The following PAK3 variants were observed in gnomAD, a reference collection of about 807,000 sequenced individuals.
PAK3 encodes the protein p21 (RAC1) activated kinase 3.
In PAK3, 4 loss-of-function variants were observed where a neutral mutation model predicts 41.0. The observed-to-expected ratio is 0.10, with a 90% CI of 0.05 to 0.22. The LOEUF is 0.22. Ranked by LOEUF, PAK3 falls within the 10% of genes least tolerant of loss-of-function variation. The pLI, the probability that PAK3 is intolerant of heterozygous loss-of-function variation, is 1.00. For synonymous variants in PAK3, 146 were observed against 139.6 expected (o/e 1.05, Z -0.32); for missense variants, 205 against 409.9 (o/e 0.50, Z 4.32).
chrX:110,976,889 A>G (rs1205362942), intron 1 of PAK3, among the ~76,000 whole-genome samples: 3 of 107,727 alleles, frequency 2.8e-5, no homozygotes, highest in African/African-American at 1.0e-4. Flanking sequence ...GTTCTCACTC[A>G]TAGGTGGGAA....
At chrX:111,166,840 T>A (rs781009154) in intron 10 of PAK3, among the ~76,000 whole-genome samples, 1 of 111,772 alleles carries the variant, frequency 8.9e-6, no homozygotes, top group Admixed American at 9.5e-5. Context: ...AAGTGGTAAT[T>A]GTTATTACAT....
chrX:111,195,514 A>G (rs2094605285), intron 14 of PAK3, among the ~76,000 whole-genome samples: 1 of 112,229 alleles, frequency 8.9e-6, no homozygotes, highest in African/African-American at 3.2e-5. Flanking sequence ...CCACAGCTAT[A>G]GAAGACCAAG....
intron 4 of PAK3, among the ~76,000 whole-genome samples, chrX:111,122,560 G>A (rs767249250): frequency 6.3e-5 from 7 of 111,091 alleles, no homozygotes; most frequent in African/African-American, 2.3e-4. Context: ...CATAAAAACA[G>A]GAGAGTGCAT....
intron 1 of PAK3, among the ~76,000 whole-genome samples, chrX:111,010,488 G>A (rs924574045): frequency 1.8e-5 from 2 of 111,879 alleles, no homozygotes; most frequent in Non-Finnish European, 3.8e-5. Flanking sequence ...AGTGTTGGAG[G>A]TGGGGTCTTA....
intron 1 of PAK3, among the ~76,000 whole-genome samples, chrX:111,043,567 T>C (rs1439190534): frequency 8.9e-6 from 1 of 112,016 alleles, no homozygotes; most frequent in African/African-American, 3.3e-5. Flanking sequence ...GTTGTTGTAT[T>C]TGAAAAACTA....
At chrX:111,044,658 G>A (rs1430802295) in intron 1 of PAK3, among the ~76,000 whole-genome samples, 1 of 112,022 alleles carries the variant, frequency 8.9e-6, no homozygotes, top group Non-Finnish European at 1.9e-5. Context: ...TCTGCCGTCT[G>A]CCATTGTCTC....
chrX:111,028,775 C>T (rs1209427354), intron 1 of PAK3, among the ~76,000 whole-genome samples: 1 of 111,665 alleles, frequency 9.0e-6, no homozygotes, highest in Non-Finnish European at 1.9e-5. Flanking sequence ...TTATTATCCC[C>T]AATATACAGA....
At chrX:111,206,729 T>C (rs1308526630) in intron 16 of PAK3, among the ~76,000 whole-genome samples, 1 of 112,286 alleles carries the variant, frequency 8.9e-6, no homozygotes, top group Non-Finnish European at 1.9e-5. Flanking sequence ...ACACTGAAGT[T>C]TTGGGTTGAG....
intron 1 of PAK3, among the ~76,000 whole-genome samples, chrX:110,970,715 T>TA (rs1037723635): frequency 8.9e-6 from 1 of 111,915 alleles, no homozygotes; most frequent in Non-Finnish European, 1.9e-5. Context: ...TATACTTATG[T>TA]AAAAAACCTG....
intron 1 of PAK3, among the ~76,000 whole-genome samples, chrX:110,952,088 A>G (rs1324012896): frequency 1.8e-5 from 2 of 112,293 alleles, no homozygotes; most frequent in Non-Finnish European, 3.8e-5. Context: ...ACACTCTGCA[A>G]AGGGTATAGT....
intron 1 of PAK3, among the ~76,000 whole-genome samples, chrX:111,016,674 A>G (rs1055789894): frequency 1.2e-4 from 13 of 105,142 alleles, no homozygotes; most frequent in Non-Finnish European, 2.3e-4. Flanking sequence ...TTTTTGGATG[A>G]TGTCCATGCA....
chrX:111,003,345 G>A (rs1391619668), intron 1 of PAK3, among the ~76,000 whole-genome samples: 1 of 111,656 alleles, frequency 9.0e-6, no homozygotes, highest in Non-Finnish European at 1.9e-5. Flanking sequence ...AGACATGCCA[G>A]CTACTCGGCT....
chrX:111,121,724 A>T (rs1195426597), intron 4 of PAK3, among the ~76,000 whole-genome samples: 5 of 111,787 alleles, frequency 4.5e-5, no homozygotes, highest in East Asian at 2.8e-4. Flanking sequence ...GTTTACAGAG[A>T]TATAGTTTTA....
At chrX:111,044,044 T>C (rs1442951692) in intron 1 of PAK3, among the ~76,000 whole-genome samples, 1 of 112,082 alleles carries the variant, frequency 8.9e-6, no homozygotes, top group Non-Finnish European at 1.9e-5. Context: ...AGAAGATTTT[T>C]AAAAAACAGA....
intron 5 of PAK3, among the ~76,000 whole-genome samples, chrX:111,128,268 A>C: frequency 8.9e-6 from 1 of 111,855 alleles, no homozygotes; most frequent in Non-Finnish European, 1.9e-5. Context: ...TGTGCATTTT[A>C]TTTGTGGGGA....
intron 6 of PAK3, among the ~76,000 whole-genome samples, chrX:111,147,100 A>G (rs750328838): frequency 9.0e-6 from 1 of 111,016 alleles, no homozygotes; most frequent in South Asian, 4.0e-4. Context: ...AGAAAGCTGC[A>G]GGGGAAATGC....
intron 1 of PAK3, among the ~76,000 whole-genome samples, chrX:111,050,383 T>A (rs1453875996): frequency 1.8e-5 from 2 of 112,228 alleles, no homozygotes; most frequent in South Asian, 3.7e-4. Flanking sequence ...AAGAAAGTTA[T>A]CACTTCTATT....
chrX:111,173,437 G>A (rs2094369873), intron 11 of PAK3, among the ~76,000 whole-genome samples: 1 of 111,282 alleles, frequency 9.0e-6, no homozygotes, highest in Non-Finnish European at 1.9e-5. Flanking sequence ...TCCCCCTACA[G>A]CCACATGGAT....
intron 11 of PAK3, among the ~76,000 whole-genome samples, chrX:111,178,735 T>C (rs746477126): frequency 9.1e-6 from 1 of 109,821 alleles, no homozygotes; most frequent in Admixed American, 9.7e-5. Flanking sequence ...TATGATGGAT[T>C]CTTAGAAGAG....
Sources: allele counts gnomAD v4.1 joint callset (sites outside exome capture counted in the v4.1 genomes callset), GRCh38; gene constraint gnomAD v4.1.1; transcripts MANE v1.5; gene names NCBI Gene and HGNC (gene_info 2026-07-23, HGNC 2026-07-21).